THBS2: variants seen among roughly 807,000 people sequenced by gnomAD.
The protein encoded by THBS2 is thrombospondin 2.
THBS2 carries 47 observed loss-of-function variants against 135.2 expected under a neutral mutation model. The ratio of observed to expected loss-of-function variants is 0.35; its 90% CI spans 0.28 to 0.44. The LOEUF is 0.44. Among genes scored for constraint, THBS2 ranks in the 20% least tolerant of loss-of-function variants. The pLI, the probability that THBS2 is intolerant of heterozygous loss-of-function variation, is 1.00. For synonymous variants in THBS2, 639 were observed against 633.8 expected (o/e 1.01, Z -0.12); for missense variants, 1,288 against 1,603.1 (o/e 0.80, Z 3.36).
Position 169,220,190 on chromosome 6 carries a change from A to ACACT in THBS2, c.3511+4_3511+7dup, listed in dbSNP as rs753607903. 3.1e-6 allele frequency: 5 copies of ACACT among 1,612,500 alleles called. No individual in the cohort carries two copies. In the East Asian group the frequency reaches 1.1e-4, roughly 36 times the overall value. ...CCTTCCCCACTAACCTGAAGTGCTC[A>ACACT]CACTCACCTCTGCATTCGTACTTGA... On this transcript the variant is annotated splice_region_variant and intron_variant, in intron 21 of 21. Transcript: ENST00000617924.
intron 1 of THBS2, chr6:169,251,987 C>T (rs1221751340): frequency 6.6e-6 from 1 of 152,234 alleles, no homozygotes; most frequent in African/African-American, 2.4e-5. Context: ...GGGAAACTTA[C>T]TTAACTTCTC....
chr6:169,226,122 C>A (rs530335175), intron 16 of THBS2, 58 bp downstream of exon 16: 1 of 1,505,376 alleles, frequency 6.6e-7, no homozygotes, highest in Non-Finnish European at 9.2e-7. Context: ...ACACCGCCAC[C>A]GTCCCCGCGT....
intron 9 of THBS2, 118 bp downstream of exon 9, chr6:169,237,051 TG>T: frequency 2.5e-6 from 3 of 1,191,074 alleles, no homozygotes; most frequent in Non-Finnish European, 3.4e-6. Flanking sequence ...GCTGCTCGGC[TG>T]GGGCTGGGCT....
Position 169,220,227 on chromosome 6 carries a change from TAGA to T in THBS2, c.3479_3481del (p.Val1160_Tyr1161delinsAsp). 2 of 1,613,870 alleles carry T rather than the reference TAGA, an allele frequency of 1.2e-6. No individual in the cohort carries two copies. Among genetic ancestry groups the T allele is most frequent in the Non-Finnish European group, 1.7e-6 (2 of 1,179,932 alleles). ...GCATTCGTACTTGAGGTCTGAGAAATAGACCATTTCTTGAGAGAAGACAAATAG... is the reference window on the plus strand; with the variant it reads ...GCATTCGTACTTGAGGTCTGAGAAATCCATTTCTTGAGAGAAGACAAATAG... On this transcript the variant is annotated inframe_deletion, in exon 21 of 22. Coordinates refer to ENST00000617924, the MANE Select transcript of THBS2 (RefSeq NM_003247.5).
In THBS2 at chr6:169,223,305, G is replaced by C. The variant is rs774336595; in HGVS notation, c.2944C>G (p.Arg982Gly). Residue 982 changes from arginine to glycine, a missense_variant, in exon 18 of 22, where the codon CGC (arginine) becomes GGC (glycine). Physicochemically the swap from Arg to Gly is moderately radical, Grantham distance 125. This residue lies in a region of THBS2 where 874 missense variants were observed against 1,156.1 expected (regional missense o/e 0.76). Coordinates refer to ENST00000617924, the MANE Select transcript of THBS2 (RefSeq NM_003247.5). The stretch of plus-strand genomic sequence containing the variant: ...TGAACCAGCTCCTTGCCTTGATGGC[G>C]AATGACCCAGTTGGGATCAATTTGG... ...TTQIDPNWVIRHQGKELVQTA... is the reference protein window; with the variant it reads ...TTQIDPNWVIGHQGKELVQTA... 1.2e-6 allele frequency: 2 copies of C among 1,614,140 alleles called. No individual in the cohort carries two copies. The highest frequency in any genetic ancestry group is 1.7e-6 in the Non-Finnish European group (2 of 1,180,040).
rs1311915718 is a variant in THBS2 at position 169,220,264 on chromosome 6, G to A, written c.3445C>T (p.Arg1149Trp). 7 of 1,613,722 alleles carry A rather than the reference G, an allele frequency of 4.3e-6. No individual in the cohort carries two copies. The highest frequency in any genetic ancestry group is 1.7e-5 in the Admixed American group (1 of 59,994). Residue 1149 changes from arginine (R) to tryptophan (W), a missense_variant, in exon 21 of 22, where the codon CGG becomes TGG. Physicochemically the swap from Arg to Trp is moderately radical, Grantham distance 101. Around this residue, in one of 2 missense-constraint regions of THBS2, gnomAD observed 874 missense variants for 1,156.1 expected, o/e 0.76. Coordinates refer to ENST00000617924, the MANE Select transcript of THBS2 (RefSeq NM_003247.5). ...TGAGAGAAGACAAATAGACCCAGCC[G>A]CCCGCCAGCGTAGGTTTGGTCATAG... Reference protein sequence around the residue: ...PIYDQTYAGGRLGLFVFSQEM... With the variant: ...PIYDQTYAGGWLGLFVFSQEM...
intron 10 of THBS2, among the ~76,000 whole-genome samples, chr6:169,233,367 G>A (rs1473170954): frequency 1.3e-5 from 2 of 151,024 alleles, no homozygotes; most frequent in African/African-American, 2.4e-5. Flanking sequence ...ACCTACCTAC[G>A]CGCCACGTTC....
chr6:169,235,360 G>T (rs1006885699), intron 9 of THBS2, among the ~76,000 whole-genome samples: 2 of 151,742 alleles, frequency 1.3e-5, no homozygotes, highest in African/African-American at 2.4e-5. Context: ...AGAGCTCCTC[G>T]CCAAGCTGTC....
intron 4 of THBS2, among the ~76,000 whole-genome samples, chr6:169,243,347 C>A (rs1382001702): frequency 1.3e-5 from 2 of 152,198 alleles, no homozygotes; most frequent in Non-Finnish European, 2.9e-5. Flanking sequence ...GCGGGGCCTG[C>A]GCAGTTGCAG....
At chr6:169,222,142 C>T in intron 19 of THBS2, 55 bp downstream of exon 19, 1 of 1,533,826 alleles carries the variant, frequency 6.5e-7, no homozygotes, top group South Asian at 1.2e-5. Context: ...TGCTGAAACA[C>T]TCTGCAGCCA....
At chr6:169,250,645 C>A in intron 2 of THBS2, 88 bp downstream of exon 2, 2 of 1,268,134 alleles carry the variant, frequency 1.6e-6, no homozygotes, top group South Asian at 2.9e-5. Flanking sequence ...GATTGTCCAA[C>A]CACACACTTT....
intron 21 of THBS2, chr6:169,219,838 T>TTTCC (rs56279312): frequency 7.5e-5 from 40 of 534,282 alleles, no homozygotes; most frequent in African/African-American, 1.1e-4. Context: ...TCCTTCCTTC[T>TTTCC]TTCCTTCCTG....
chr6:169,244,464 C>T (rs962631286), intron 4 of THBS2, among the ~76,000 whole-genome samples: 5 of 151,946 alleles, frequency 3.3e-5, no homozygotes, highest in African/African-American at 1.2e-4. Context: ...TTAACTGAAC[C>T]CACGTGAAAT....
chr6:169,248,032 GGTGTGTGTGTGCGTGTCT>G (rs1157724074), intron 3 of THBS2, among the ~76,000 whole-genome samples: 1 of 139,866 alleles, frequency 7.1e-6, no homozygotes, highest in African/African-American at 2.6e-5. Context: ...TATGTGGTGA[GGTGTGTGTGTGCGTGTCT>G]GTGTGTGTGT....
intron 2 of THBS2, among the ~76,000 whole-genome samples, chr6:169,249,286 G>A (rs994362936): frequency 2.6e-5 from 4 of 152,130 alleles, no homozygotes; most frequent in Non-Finnish European, 4.4e-5. Flanking sequence ...CGCCCTGTCC[G>A]TTCAGCTGGC....
rs767690239 is a variant in THBS2 at position 169,223,309 on chromosome 6, G to T, written c.2940C>A (p.Val980=). Residue 980 remains valine, a synonymous_variant, in exon 18 of 22, where the codon GTC becomes GTA. Coordinates refer to ENST00000617924, the MANE Select transcript of THBS2 (RefSeq NM_003247.5). The part of the protein sequence containing the change: ...KGTTQIDPNW[V]IRHQGKELVQ... The stretch of plus-strand genomic sequence containing the variant: ...CCAGCTCCTTGCCTTGATGGCGAAT[G>T]ACCCAGTTGGGATCAATTTGGGTGG... The T allele has an allele frequency of 5.0e-6, 8 of 1,614,088 alleles. No individual in the cohort carries two copies. Among genetic ancestry groups the T allele is most frequent in the Non-Finnish European group, 6.8e-6 (8 of 1,180,050 alleles).
At chr6:169,244,853 G>T (rs2115027248) in intron 4 of THBS2, among the ~76,000 whole-genome samples, 1 of 152,222 alleles carries the variant, frequency 6.6e-6, no homozygotes, top group African/African-American at 2.4e-5. Context: ...TGGAATGAGG[G>T]TTGGTCTTAG....
At chr6:169,247,716 T>C (rs1434303498) in intron 3 of THBS2, among the ~76,000 whole-genome samples, 1 of 151,940 alleles carries the variant, frequency 6.6e-6, no homozygotes, top group Non-Finnish European at 1.5e-5. Context: ...TTACATATGG[T>C]TGTGTGCACA....
intron 16 of THBS2, 70 bp from the exon 17 acceptor site, chr6:169,225,449 A>C: frequency 1.4e-6 from 2 of 1,464,278 alleles, no homozygotes; most frequent in Non-Finnish European, 1.9e-6. Flanking sequence ...AACCAGCAGG[A>C]CGCAAGCCTG....
Sources: allele counts gnomAD v4.1 joint callset (sites outside exome capture counted in the v4.1 genomes callset), GRCh38; gene constraint gnomAD v4.1.1; regional missense constraint gnomAD v4.1.1; transcripts MANE v1.5; gene names NCBI Gene and HGNC (gene_info 2026-07-23, HGNC 2026-07-21).